Variants in PDHA1 observed in about 807,000 individuals in gnomAD.
PDHA1 encodes the protein pyruvate dehydrogenase E1 subunit alpha 1, also known as pyruvate dehydrogenase E1 component subunit alpha, somatic form, mitochondrial.
PDHA1 carries 1 observed loss-of-function variant against 33.0 expected under a neutral mutation model. The ratio of observed to expected loss-of-function variants is 0.03; its 90% CI spans 0.01 to 0.14. The LOEUF (loss-of-function observed/expected upper bound fraction) is 0.14, where lower values mean the gene tolerates loss of function less well. Ranked by LOEUF, PDHA1 falls within the 10% of genes least tolerant of loss-of-function variation. The probability of loss-of-function intolerance (pLI) is 1.00; values close to 1 mark genes in which losing one functional copy is unlikely to be tolerated. For synonymous variants in PDHA1, 123 were observed against 119.2 expected, an observed-to-expected ratio of 1.03 and a Z score of -0.21; for missense variants, 168 against 325.1, an observed-to-expected ratio of 0.52 and a Z score of 3.72.
At chrX:19,350,515 C>CT (rs1469341070) in intron 3 of PDHA1, among the ~76,000 whole-genome samples, 1 of 112,344 alleles carries the variant, frequency 8.9e-6, no homozygotes, top group Non-Finnish European at 1.9e-5. Flanking sequence ...GTCCGCCCAC[C>CT]TTGGCCTCCC....
chrX:19,358,098 A>C (rs1310548928), intron 9 of PDHA1, among the ~76,000 whole-genome samples: 1 of 112,021 alleles, frequency 8.9e-6, no homozygotes, highest in Non-Finnish European at 1.9e-5. Flanking sequence ...GAATTTGGAG[A>C]TGTTCCTCTG....
chrX:19,357,601 T>TCTTCCAGTCATCGTTCCTAA, intron 8 of PDHA1, 51 bp from the exon 9 acceptor site: 1 of 1,040,142 alleles, frequency 9.6e-7, no homozygotes, highest in Non-Finnish European at 1.4e-6. Context: ...GCCGGCCTGT[T>TCTTCCAGTCATCGTTCCTAA]CTTCCAGTCA....
At position 19,360,786 on chromosome X, in the gene PDHA1, C is replaced by T. The variant is rs61744590; in HGVS notation, c.*1133C>T. On this transcript the variant is annotated 3_prime_UTR_variant, in exon 11 of 11. Coordinates refer to ENST00000422285, the MANE Select transcript of PDHA1 (RefSeq NM_000284.4). ...TTTGGTTTCTGAGGCCTCCTGAGCC[C>T]TTCTGTACTGGGAGACCGCACTCCA... The T allele has an allele frequency of 2.8e-5, 34 of 1,208,382 alleles. No individual in the cohort carries two copies. Among genetic ancestry groups the T allele is most frequent in the African/African-American group, 3.5e-5 (2 of 57,123 alleles).
At chrX:19,354,336 G>A (rs1213875575) in intron 5 of PDHA1, among the ~76,000 whole-genome samples, 155 bp from the exon 6 acceptor site, 1 of 112,568 alleles carries the variant, frequency 8.9e-6, no homozygotes, top group Non-Finnish European at 1.9e-5. Context: ...AATATCGGAG[G>A]TGGGATAAAC....
intron 8 of PDHA1, 87 bp from the exon 9 acceptor site, chrX:19,357,565 A>G (rs1407365426): frequency 1.4e-6 from 1 of 707,455 alleles, no homozygotes; most frequent in Non-Finnish European, 2.3e-6. Context: ...CGCTTAATAA[A>G]GGGCCTGCGT....
Position 19,359,582 on chromosome X carries a change from A to C in PDHA1, c.1102A>C (p.Ile368Leu), listed in dbSNP as rs771666787. Residue 368 changes from isoleucine (I) to leucine (L), a missense_variant, in exon 11 of 11, where the codon ATC (isoleucine) becomes CTC (leucine). Ile to Leu is a conservative substitution (Grantham distance 5). This residue lies in a region of PDHA1 where 58 missense variants were observed against 63.4 expected (regional missense o/e 0.92). Transcript: ENST00000422285. ...EPPLEELGYH[I>L]YSSDPPFEVR... ...ACCTTTGGAAGAGCTGGGCTACCAC[A>C]TCTACTCCAGCGACCCACCTTTTGA... 5 of 1,210,969 alleles carry C rather than the reference A, an allele frequency of 4.1e-6. No homozygotes were observed. Among genetic ancestry groups the C allele is most frequent in the Non-Finnish European group, 5.6e-6 (5 of 894,780 alleles).
chrX:19,347,219 G>A (rs759162562), intron 1 of PDHA1, among the ~76,000 whole-genome samples: 2 of 111,866 alleles, frequency 1.8e-5, no homozygotes, highest in Non-Finnish European at 3.8e-5. Context: ...TAAAATTTGA[G>A]TGGGTTGTTC....
chrX:19,357,630 C>G, intron 8 of PDHA1, 22 bp from the exon 9 acceptor site: 1 of 1,191,272 alleles, frequency 8.4e-7, no homozygotes, highest in Non-Finnish European at 1.1e-6. Context: ...AACTAACTAA[C>G]TGCCTACCGG....
chrX:19,359,810 G>GTACATTAGTGCATT lies in PDHA1; in HGVS notation c.*158_*171dup. The GTACATTAGTGCATT allele has an allele frequency of 5.9e-6, 3 of 512,747 alleles. No individual in the cohort carries two copies. Among genetic ancestry groups the GTACATTAGTGCATT allele is most frequent in the Non-Finnish European group, 1.0e-5 (3 of 290,159 alleles). 42.3% of individuals were successfully genotyped at this position (512,747 alleles called of 1,213,427 possible). ...AGCAGGTAGTAATTGCATGCAGTTTGTACATTAGTGCATTAAAAGATGAAT... is the reference window on the plus strand; with the variant it reads ...AGCAGGTAGTAATTGCATGCAGTTTGTACATTAGTGCATTTACATTAGTGCATTAAAAGATGAAT... On this transcript the variant is annotated 3_prime_UTR_variant, in exon 11 of 11. Transcript: ENST00000422285.
At position 19,360,688 on chromosome X, in the gene PDHA1, A is replaced by G; in HGVS notation, c.*1035A>G. ...CAGCGGAATTCGTGTATACACTAACAGAAGCTTTAACAAAACATGTAGCGT... is the reference window on the plus strand; with the variant it reads ...CAGCGGAATTCGTGTATACACTAACGGAAGCTTTAACAAAACATGTAGCGT... On this transcript the variant is annotated 3_prime_UTR_variant, in exon 11 of 11. Transcript: ENST00000422285. 1.1e-6 allele frequency: 1 copy of G among 904,911 alleles called. No homozygotes were observed. Among genetic ancestry groups the G allele is most frequent in the Non-Finnish European group, 1.6e-6 (1 of 623,414 alleles). 74.6% of individuals were successfully genotyped at this position (904,911 alleles called of 1,213,427 possible). A position where few individuals can be genotyped will look rare whatever the true frequency, so the allele number is the denominator to read the frequency against.
rs2147168615 is a variant in PDHA1 at position 19,344,016 on chromosome X, C to G, written c.-22C>G. ...CCTCCTGGGTTGTGAGGAGTCGCCG[C>G]TGCCGCCACTGCCTGTGCTTCATGA... On this transcript the variant is annotated 5_prime_UTR_variant, in exon 1 of 11. Coordinates refer to ENST00000422285, the MANE Select transcript of PDHA1 (RefSeq NM_000284.4). 4 of 1,205,141 alleles carry G rather than the reference C, an allele frequency of 3.3e-6. No homozygotes were observed. Among genetic ancestry groups the G allele is most frequent in the Non-Finnish European group, 4.5e-6 (4 of 891,951 alleles).
At chrX:19,352,257 A>C (rs1602225428) in intron 4 of PDHA1, among the ~76,000 whole-genome samples, 1 of 78,791 alleles carries the variant, frequency 1.3e-5, no homozygotes, top group Admixed American at 1.6e-4. Flanking sequence ...ACAGAGTTTC[A>C]CTCTTTCACC....
intron 1 of PDHA1, chrX:19,345,745 TCC>T (rs745880160): frequency 0.078 from 15,452 of 196,848 alleles, 622 homozygotes; most frequent in African/African-American, 0.24. Context: ...GTTTGCAGGG[TCC>T]CCCCCCCCCC....
At chrX:19,353,201 CT>C in intron 5 of PDHA1, 28 bp downstream of exon 5, 1 of 1,120,627 alleles carries the variant, frequency 8.9e-7, no homozygotes, top group Non-Finnish European at 1.2e-6. Flanking sequence ...TTGTGTGCTG[CT>C]TTAGATTTGG....
intron 3 of PDHA1, 79 bp from the exon 4 acceptor site, chrX:19,351,202 T>C: frequency 3.0e-6 from 3 of 989,403 alleles, no homozygotes; most frequent in South Asian, 1.9e-5. Flanking sequence ...AGCCCACATA[T>C]TTCACTGTGG....
At position 19,361,245 on chromosome X, in the gene PDHA1, TG is replaced by T. The variant is rs2063282772; in HGVS notation, c.*1598del. On this transcript the variant is annotated 3_prime_UTR_variant, in exon 11 of 11. Transcript: ENST00000422285. ...TTGAACCTAATAGAACTCCAGAGTT[TG>T]GGGGGAGGCCCAGCCCTTTGTTTTC... 7 of 737,346 alleles carry T rather than the reference TG, an allele frequency of 9.5e-6. No individual in the cohort carries two copies. Among genetic ancestry groups the T allele is most frequent in the Non-Finnish European group, 1.4e-5 (7 of 506,567 alleles). 60.8% of individuals were successfully genotyped at this position (737,346 alleles called of 1,213,427 possible).
Position 19,359,793 on chromosome X carries a change from G to C in PDHA1, c.*140G>C, listed in dbSNP as rs748123688. On this transcript the variant is annotated 3_prime_UTR_variant, in exon 11 of 11. Transcript: ENST00000422285. ...ATTAAGTGTGTAGATTGAGCAGGTA[G>C]TAATTGCATGCAGTTTGTACATTAG... The C allele has an allele frequency of 7.3e-6, 4 of 547,819 alleles. No homozygotes were observed. In the South Asian group the frequency reaches 1.0e-4, roughly 14 times the overall value. The allele number at this position is 547,819 out of a possible 1,213,427, so 45.1% of individuals were successfully genotyped here.
In PDHA1 at chrX:19,351,415, G is replaced by A. The variant is rs779583146; in HGVS notation, c.418+8G>A. 2.0e-5 allele frequency: 24 copies of A among 1,198,006 alleles called. No homozygotes were observed. In the Admixed American group the frequency reaches 3.1e-4, roughly 15 times the overall value. The stretch of plus-strand genomic sequence containing the variant: ...TTCTCGCAGAGCTTACAGGTTTGCT[G>A]TTGATTTACAGAAAGGGGAAATGAG... On this transcript the variant is annotated splice_region_variant and intron_variant, in intron 4 of 10. Coordinates refer to ENST00000422285, the MANE Select transcript of PDHA1 (RefSeq NM_000284.4).
Position 19,350,162 on chromosome X carries a change from C to T in PDHA1, c.291+52C>T, listed in dbSNP as rs7890070. On this transcript the variant is annotated intron_variant, in intron 3 of 10. Transcript: ENST00000422285. ...GTGTTATTTAGGTACTGAAGTATGG[C>T]TTGTACTTATTGGGCTTTACCCTGC... is the stretch of plus-strand genomic sequence containing the variant. 9,355 of 915,406 alleles carry T rather than the reference C, an allele frequency of 0.01. 426 individuals are homozygous for T. The African/African-American group carries it at 0.15, about 15-fold the overall frequency. 75.4% of individuals were successfully genotyped at this position (915,406 alleles called of 1,213,427 possible).
Sources: gnomAD v4.1 joint callset for allele counts (sites outside exome capture counted in the v4.1 genomes callset) on GRCh38, gnomAD v4.1.1 for gene constraint, gnomAD v4.1.1 regional missense constraint, MANE v1.5 for transcripts, NCBI Gene and HGNC (gene_info 2026-07-23, HGNC 2026-07-21) for gene names.